Variants in ATP2B2 observed in about 807,000 individuals in gnomAD.
ATP2B2 encodes the protein ATPase plasma membrane Ca2+ transporting 2, also known as plasma membrane calcium-transporting ATPase 2.
A neutral mutation model predicts 120.0 loss-of-function variants in ATP2B2; 15 were observed. The observed-to-expected ratio is 0.12, with a 90% confidence interval of 0.08 to 0.19. The LOEUF (loss-of-function observed/expected upper bound fraction) is 0.19, where lower values mean the gene tolerates loss of function less well. Ranked by LOEUF, ATP2B2 falls within the 10% of genes least tolerant of loss-of-function variation. The probability of loss-of-function intolerance (pLI) is 1.00; values close to 1 mark genes in which losing one functional copy is unlikely to be tolerated. For synonymous variants in ATP2B2, 694 were observed against 700.3 expected (o/e 0.99, Z 0.14); for missense variants, 1,045 against 1,719.8 (o/e 0.61, Z 6.94).
chr3:10,460,059 G>C (rs2064422271), intron 1 of ATP2B2, among the ~76,000 whole-genome samples: 1 of 152,260 alleles, frequency 6.6e-6, no homozygotes, highest in Non-Finnish European at 1.5e-5. Flanking sequence ...TGGTTGGTGA[G>C]GCCTCAGGCT....
chr3:10,608,019 C>A (rs1235359040), intron 2 of ATP2B2, among the ~76,000 whole-genome samples: 1 of 152,220 alleles, frequency 6.6e-6, no homozygotes, highest in Non-Finnish European at 1.5e-5. Context: ...GCCTCACTGT[C>A]CACTTTGAAA....
intron 2 of ATP2B2, among the ~76,000 whole-genome samples, chr3:10,582,160 G>A (rs545365472): frequency 6.6e-6 from 1 of 152,336 alleles, no homozygotes; most frequent in South Asian, 2.1e-4. Flanking sequence ...GTGGCAGCCA[G>A]GTCCAGGGAG....
At chr3:10,458,123 TAG>T (rs1177696982) in intron 1 of ATP2B2, among the ~76,000 whole-genome samples, 6,693 of 152,166 alleles carry the variant, frequency 0.044, 508 homozygotes, top group African/African-American at 0.15. Context: ...GCTTGACCAT[TAG>T]CTGTCTGTCC....
At chr3:10,435,402 T>G (rs995674399) in intron 2 of ATP2B2, among the ~76,000 whole-genome samples, 1 of 152,048 alleles carries the variant, frequency 6.6e-6, no homozygotes, top group Admixed American at 6.6e-5. Context: ...TCCTGGAGGG[T>G]CCACAGGCCT....
intron 1 of ATP2B2, among the ~76,000 whole-genome samples, chr3:10,450,686 C>T (rs1465983250): frequency 6.6e-6 from 1 of 152,018 alleles, no homozygotes; most frequent in African/African-American, 2.4e-5. Flanking sequence ...GGAGGGGGGT[C>T]CCTATGGACC....
intron 1 of ATP2B2, among the ~76,000 whole-genome samples, chr3:10,671,442 A>G (rs970197081): frequency 1.3e-5 from 2 of 152,180 alleles, no homozygotes; most frequent in Non-Finnish European, 2.9e-5. Context: ...ATTCCAGCTC[A>G]GTAGGTCTAG....
intron 1 of ATP2B2, among the ~76,000 whole-genome samples, chr3:10,631,894 G>T (rs1034621373): frequency 4.6e-5 from 7 of 152,206 alleles, no homozygotes; most frequent in African/African-American, 1.7e-4. Flanking sequence ...TTTCAGGAGG[G>T]CTATCTTTAC....
intron 2 of ATP2B2, among the ~76,000 whole-genome samples, chr3:10,418,573 C>G (rs2062866304): frequency 6.6e-6 from 1 of 151,994 alleles, no homozygotes; most frequent in Non-Finnish European, 1.5e-5. Context: ...CCACTGACCT[C>G]TTCTCCCCTG....
chr3:10,443,464 C>T (rs554433983), intron 2 of ATP2B2, among the ~76,000 whole-genome samples: 37 of 152,252 alleles, frequency 2.4e-4, no homozygotes, highest in African/African-American at 7.7e-4. Context: ...CCAGTGAGAG[C>T]GTAGTCTGGG....
At chr3:10,498,638 T>G (rs799319) in intron 1 of ATP2B2, among the ~76,000 whole-genome samples, 58,834 of 152,064 alleles carry the variant, frequency 0.39, 11,706 homozygotes, top group South Asian at 0.55. Context: ...CCCGGTAGAG[T>G]AGCCCAGCCG....
chr3:10,504,098 C>T (rs2066505007), intron 1 of ATP2B2, among the ~76,000 whole-genome samples: 1 of 152,016 alleles, frequency 6.6e-6, no homozygotes. Flanking sequence ...ATGCATATGC[C>T]CTGATGTGAA....
intron 1 of ATP2B2, among the ~76,000 whole-genome samples, chr3:10,675,768 G>A (rs1448701808): frequency 6.6e-6 from 1 of 152,134 alleles, no homozygotes; most frequent in Non-Finnish European, 1.5e-5. Context: ...CCCTGGGCAG[G>A]GGACACTCCA....
At chr3:10,450,874 G>A (rs1400561031) in intron 1 of ATP2B2, among the ~76,000 whole-genome samples, 2 of 152,142 alleles carry the variant, frequency 1.3e-5, no homozygotes, top group Non-Finnish European at 2.9e-5. Context: ...GCAAGCGTTG[G>A]GTGACAAAGG....
chr3:10,371,968 C>G lies in ATP2B2; in HGVS notation c.1500G>C (p.Lys500Asn). The G allele has an allele frequency of 6.2e-7, 1 of 1,614,192 alleles. No homozygotes were observed. Residue 500 changes from lysine to asparagine, a missense_variant, in exon 12 of 23, where the codon AAG (lysine) becomes AAC (asparagine). Lys to Asn is a moderately conservative substitution (Grantham distance 94). Transcript: ENST00000360273. ...TGCGATTGGTGGTCAGCGTGCCTGT[C>G]TTGTCTGAGCAGATGGCTGTGGCAT... is the stretch of plus-strand genomic sequence containing the variant. ...MGNATAICSD[K>N]TGTLTTNRMT...
At chr3:10,362,057 G>T (rs1309610078) in intron 12 of ATP2B2, among the ~76,000 whole-genome samples, 2 of 152,210 alleles carry the variant, frequency 1.3e-5, no homozygotes, top group Non-Finnish European at 2.9e-5. Flanking sequence ...ATTGAGACAG[G>T]TGACTCAGGT....
chr3:10,489,258 T>C (rs1441231390), intron 1 of ATP2B2, among the ~76,000 whole-genome samples: 1 of 152,160 alleles, frequency 6.6e-6, no homozygotes, highest in Non-Finnish European at 1.5e-5. Context: ...GATCCACTCA[T>C]TTATGTCTTT....
At chr3:10,367,724 G>T (rs1257026123) in intron 12 of ATP2B2, among the ~76,000 whole-genome samples, 1 of 152,128 alleles carries the variant, frequency 6.6e-6, no homozygotes, top group Non-Finnish European at 1.5e-5. Context: ...CCTCAGATCT[G>T]CTCGGGTACT....
intron 2 of ATP2B2, among the ~76,000 whole-genome samples, chr3:10,576,870 C>G (rs1285768958): frequency 6.6e-6 from 1 of 151,940 alleles, no homozygotes; most frequent in South Asian, 2.1e-4. Context: ...CGAGACCAGC[C>G]TGGTCAATAT....
chr3:10,669,838 G>T (rs1478453396), intron 1 of ATP2B2, among the ~76,000 whole-genome samples: 1 of 152,174 alleles, frequency 6.6e-6, no homozygotes, highest in Admixed American at 6.5e-5. Flanking sequence ...TAGCTGCTCT[G>T]TAAATTTGTG....
Sources: gnomAD v4.1 joint callset for allele counts (sites outside exome capture counted in the v4.1 genomes callset) on GRCh38, gnomAD v4.1.1 for gene constraint, MANE v1.5 for transcripts, NCBI Gene and HGNC (gene_info 2026-07-23, HGNC 2026-07-21) for gene names.